The following SERPINA10 variants were observed in gnomAD, a reference collection of about 807,000 sequenced individuals.
SERPINA10 encodes the protein protein Z-dependent protease inhibitor.
Under a neutral mutation model 28.0 loss-of-function variants are expected in SERPINA10, and 24 were observed. The observed-to-expected ratio is 0.86, with a 90% CI of 0.62 to 1.20. The LOEUF is 1.20. Among genes scored for constraint, SERPINA10 ranks in the 50% most tolerant of loss-of-function variants. The pLI is 0.00. For missense variants in SERPINA10, 521 were observed against 537.7 expected (o/e 0.97, Z 0.31); for synonymous variants, 207 against 203.9 (o/e 1.02, Z -0.13).
At chr14:94,292,667 G>A (rs2139704294) in intron 1 of SERPINA10, 2 of 701,890 alleles carry the variant, frequency 2.8e-6, no homozygotes, top group Non-Finnish European at 5.2e-6. Context: ...ATTCCTGGGT[G>A]CTCCTGGACA....
chr14:94,290,537 T>A lies in SERPINA10; in HGVS notation c.57A>T (p.Val19=). 1 of 1,612,966 alleles carries A rather than the reference T, an allele frequency of 6.2e-7. No homozygotes were observed. The highest frequency in any genetic ancestry group is 8.5e-7 in the Non-Finnish European group (1 of 1,179,690). The change falls in exon 2 of 5, where the codon GTA becomes GTT. Residue 19 remains valine, a synonymous_variant. Transcript: ENST00000261994. The stretch of plus-strand genomic sequence containing the variant: ...ACTGAGGACTGGGGGCCAAGCCGGG[T>A]ACCAGCCACACCTGTGCCAGGAGGA... The part of the protein sequence containing the change: ...LSVLLAQVWL[V]PGLAPSPQSP...
chr14:94,288,602 T>G (rs2295403), intron 2 of SERPINA10, 43 bp from the exon 3 acceptor site: 1 of 1,611,670 alleles, frequency 6.2e-7, no homozygotes, highest in Admixed American at 1.7e-5. Flanking sequence ...ATTCCCTCTT[T>G]GAAAAGCATT....
intron 4 of SERPINA10, among the ~76,000 whole-genome samples, chr14:94,285,791 T>C (rs1285258970): frequency 6.6e-6 from 1 of 152,080 alleles, no homozygotes; most frequent in Non-Finnish European, 1.5e-5. Context: ...TGTAATTTCA[T>C]GAACTATTCA....
chr14:94,290,301 A>G lies in SERPINA10; in HGVS notation c.293T>C (p.Met98Thr), dbSNP rs1895135277. ...RKISMRHDGNMVFSPFGMSLA... is the reference protein window; with the variant it reads ...RKISMRHDGNTVFSPFGMSLA... ...GGACATGCCAAATGGAGAGAAGACC[A>G]TGTTGCCATCGTGCCTCATGGAGAT... Residue 98 changes from methionine to threonine, a missense_variant, in exon 2 of 5, where the codon ATG becomes ACG. Transcript: ENST00000261994. The G allele has an allele frequency of 1.3e-5, 21 of 1,614,234 alleles. No individual in the cohort carries two copies. Among genetic ancestry groups the G allele is most frequent in the Non-Finnish European group, 1.7e-5 (20 of 1,180,046 alleles).
intron 2 of SERPINA10, among the ~76,000 whole-genome samples, chr14:94,289,601 T>A (rs1451022690): frequency 6.6e-6 from 1 of 151,762 alleles, no homozygotes; most frequent in Non-Finnish European, 1.5e-5. Flanking sequence ...CAGCCCCCTG[T>A]TTTTTGGAAA....
chr14:94,290,098 C>G lies in SERPINA10; in HGVS notation c.496G>C (p.Ala166Pro), dbSNP rs1336143691. The G allele has an allele frequency of 6.2e-7, 1 of 1,614,198 alleles. No homozygotes were observed. Among genetic ancestry groups the G allele is most frequent in the Non-Finnish European group, 8.5e-7 (1 of 1,180,046 alleles). The change falls in exon 2 of 5, where the codon GCC (alanine) becomes CCC (proline). Residue 166 changes from alanine (A) to proline (P), a missense_variant. Ala to Pro is a conservative substitution (Grantham distance 27). Transcript: ENST00000261994. ...ACATCAAAATCCTTGTGGATGAAGG[C>G]AAAACTCCCCTGTGTGAGGCCCAGT... ...LELGLTQGSF[A>P]FIHKDFDVKE...
chr14:94,286,221 G>A lies in SERPINA10; in HGVS notation c.1030C>T (p.Gln344Ter), dbSNP rs149414832. 1 of 1,614,102 alleles carries A rather than the reference G, an allele frequency of 6.2e-7. No individual in the cohort carries two copies. Among genetic ancestry groups the A allele is most frequent in the Non-Finnish European group, 8.5e-7 (1 of 1,180,004 alleles). Residue 344 changes from glutamine (Q) to a stop codon, truncating the protein, a stop_gained, in exon 4 of 5, where the codon CAG (glutamine) becomes TAG (stop). Transcript: ENST00000261994. LOFTEE classifies it high-confidence loss of function. ...EVFFPKFKLDQKYEMHELLRQ... is the reference protein window; with the variant it reads ...EVFFPKFKLD ...AGCAGCTCATGCATCTCATACTTCT[G>A]ATCTAGCTTGAACTTCGGAAAGAAA... is the stretch of plus-strand genomic sequence containing the variant.
At position 94,292,733 on chromosome 14, in the gene SERPINA10, C is replaced by G. The variant is rs56219402; in HGVS notation, c.-51+456G>C. 5.7e-4 allele frequency: 400 copies of G among 699,710 alleles called. 3 individuals carry two copies. In the African/African-American group the frequency reaches 6.0e-3, roughly 10 times the overall value. The allele number at this position is 699,710 out of a possible 1,614,324, so 43.3% of individuals were successfully genotyped here. ...GCTCATCTACCCAACCCTTTGGAGT[C>G]TAGGCCAGGAGCTCAGGGGGTGCTC... On this transcript the variant is annotated intron_variant, in intron 1 of 4. Coordinates refer to ENST00000261994, the MANE Select transcript of SERPINA10 (RefSeq NM_001100607.3).
chr14:94,289,736 G>GT (rs1258258141), intron 2 of SERPINA10, 140 bp downstream of exon 2: 1 of 926,132 alleles, frequency 1.1e-6, no homozygotes, highest in Admixed American at 1.8e-5. Context: ...TTCAATATGT[G>GT]TATCAATCTG....
At chr14:94,291,108 G>A (rs889338293) in intron 1 of SERPINA10, among the ~76,000 whole-genome samples, 1 of 152,228 alleles carries the variant, frequency 6.6e-6, no homozygotes, top group African/African-American at 2.4e-5. Flanking sequence ...GCTGGGGATT[G>A]GAGTGCCTGC....
chr14:94,291,679 C>T (rs1254914537), intron 1 of SERPINA10, among the ~76,000 whole-genome samples: 6 of 152,184 alleles, frequency 3.9e-5, no homozygotes, highest in Admixed American at 2.0e-4. Flanking sequence ...GCCCAGTGAG[C>T]GCAGGGTGGA....
intron 3 of SERPINA10, 126 bp downstream of exon 3, chr14:94,288,160 C>G: frequency 1.5e-6 from 2 of 1,323,788 alleles, no homozygotes; most frequent in Non-Finnish European, 2.2e-6. Context: ...AAATGCTGCC[C>G]TGCCTTCAGG....
chr14:94,290,909 C>T (rs2139701741), intron 1 of SERPINA10, among the ~76,000 whole-genome samples: 1 of 152,306 alleles, frequency 6.6e-6, no homozygotes, highest in African/African-American at 2.4e-5. Context: ...ATCCCGTCTC[C>T]TCCCTGAGGG....
In SERPINA10 at chr14:94,283,617, T is replaced by C. The variant is rs138596291; in HGVS notation, c.*348A>G. 7.6e-5 allele frequency: 25 copies of C among 328,288 alleles called. No homozygotes were observed. Among genetic ancestry groups the C allele is most frequent in the Non-Finnish European group, 1.3e-4 (22 of 174,582 alleles). The allele number at this position is 328,288 out of a possible 1,614,324, so 20.3% of individuals were successfully genotyped here. A position where few individuals can be genotyped will look rare whatever the true frequency, so the allele number is the denominator to read the frequency against. On this transcript the variant is annotated 3_prime_UTR_variant, in exon 5 of 5. Coordinates refer to ENST00000261994, the MANE Select transcript of SERPINA10 (RefSeq NM_001100607.3). ...TTCTCTATAATCAGTTTGACTGTTA[T>C]GGTATTGCAGTGCTTGCATTCAAGT...
intron 1 of SERPINA10, among the ~76,000 whole-genome samples, chr14:94,291,069 G>A (rs1269954529): frequency 6.6e-6 from 1 of 152,206 alleles, no homozygotes; most frequent in Non-Finnish European, 1.5e-5. Flanking sequence ...ATCCAGATGG[G>A]TGGCCGGCCT....
At position 94,292,080 on chromosome 14, in the gene SERPINA10, G is replaced by A. The variant is rs56213491; in HGVS notation, c.-51+1109C>T. ...GGTAAATAGCTCTTTCAGTGTAAAC[G>A]CAGCCCAGTTTCACGCTTTTATTGT... On this transcript the variant is annotated intron_variant, in intron 1 of 4. Coordinates refer to ENST00000261994, the MANE Select transcript of SERPINA10 (RefSeq NM_001100607.3). Among the ~76,000 whole-genome samples the A allele has an allele frequency of 7.0e-4, 107 of 152,298 alleles. 1 individual carries two copies. Among genetic ancestry groups the A allele is most frequent in the African/African-American group, 2.3e-3 (97 of 41,562 alleles).
Position 94,290,226 on chromosome 14 carries a change from T to A in SERPINA10, c.368A>T (p.Gln123Leu). Residue 123 changes from glutamine to leucine, a missense_variant, in exon 2 of 5, where the codon CAG (glutamine) becomes CTG (leucine). Gln to Leu is a moderately radical substitution (Grantham distance 113, BLOSUM62 -2). Transcript: ENST00000261994. ...CTGCAAGTGGAGCCCTCTCTTGATC[T>A]GGGTTTCAGTCGGCCCTGTGGCCCC... The part of the protein sequence containing the change: ...MLGATGPTET[Q>L]IKRGLHLQAL... 1.2e-6 allele frequency: 2 copies of A among 1,613,318 alleles called. No individual in the cohort carries two copies. The highest frequency in any genetic ancestry group is 1.7e-4 in the Middle Eastern group (1 of 6,056).
chr14:94,283,880 G>T lies in SERPINA10; in HGVS notation c.*85C>A. On this transcript the variant is annotated 3_prime_UTR_variant, in exon 5 of 5. Transcript: ENST00000261994. ...AAGAACAAAAGGAACACTCTCCCCT[G>T]CCATCCATTGCTGGTATCCTGTGTG... The T allele has an allele frequency of 7.6e-7, 1 of 1,313,844 alleles. No individual in the cohort carries two copies. Among genetic ancestry groups the T allele is most frequent in the Non-Finnish European group, 1.1e-6 (1 of 908,016 alleles). The allele number at this position is 1,313,844 out of a possible 1,614,324, so 81.4% of individuals were successfully genotyped here. A position where few individuals can be genotyped will look rare whatever the true frequency, so the allele number is the denominator to read the frequency against.
chr14:94,291,366 G>A (rs1895175461), intron 1 of SERPINA10, among the ~76,000 whole-genome samples: 1 of 152,286 alleles, frequency 6.6e-6, no homozygotes, highest in East Asian at 1.9e-4. Context: ...ACTGTCCTAG[G>A]CTGCAGTGTG....
Sources: allele counts gnomAD v4.1 joint callset (sites outside exome capture counted in the v4.1 genomes callset), GRCh38; gene constraint gnomAD v4.1.1; transcripts MANE v1.5; gene names NCBI Gene and HGNC (gene_info 2026-07-23, HGNC 2026-07-21).